Variants in MCPH1 observed in about 807,000 individuals in gnomAD.
The protein encoded by MCPH1 is microcephalin 1, also known as microcephalin.
Under a neutral mutation model 84.5 loss-of-function variants are expected in MCPH1, and 104 were observed. That is an observed-to-expected ratio of 1.23 (90% confidence interval 1.05 to 1.45). The LOEUF is 1.45. Ranked by LOEUF, MCPH1 falls within the 40% of genes most tolerant of loss-of-function variation. The probability of loss-of-function intolerance (pLI) is 0.00; values close to 1 mark genes in which losing one functional copy is unlikely to be tolerated. For synonymous variants in MCPH1, 514 were observed against 366.8 expected, an observed-to-expected ratio of 1.40 and a Z score of -4.58; for missense variants, 1,498 against 1,005.7, an observed-to-expected ratio of 1.49 and a Z score of -6.62.
intron 12 of MCPH1, among the ~76,000 whole-genome samples, chr8:6,543,556 C>A (rs1436608963): frequency 6.6e-6 from 1 of 152,196 alleles, no homozygotes; most frequent in African/African-American, 2.4e-5. Flanking sequence ...TAGGGAAAAG[C>A]GCTGTCGTAT....
chr8:6,569,668 G>A (rs1271645561), intron 12 of MCPH1, among the ~76,000 whole-genome samples: 1 of 152,218 alleles, frequency 6.6e-6, no homozygotes, highest in Non-Finnish European at 1.5e-5. Context: ...AAGTGCCTGT[G>A]TGTGTCTGTC....
chr8:6,565,448 C>CG (rs1181176544), intron 12 of MCPH1, among the ~76,000 whole-genome samples: 3 of 152,030 alleles, frequency 2.0e-5, no homozygotes, highest in Non-Finnish European at 4.4e-5. Context: ...TTTGTAGAGA[C>CG]GGGGTCTCAC....
At chr8:6,613,184 A>G (rs1180015393) in intron 12 of MCPH1, among the ~76,000 whole-genome samples, 1 of 152,134 alleles carries the variant, frequency 6.6e-6, no homozygotes. Context: ...CACTGTCCTC[A>G]GTGGGGAGCC....
chr8:6,634,306 G>A (rs974226338), intron 13 of MCPH1, among the ~76,000 whole-genome samples: 13 of 152,218 alleles, frequency 8.5e-5, no homozygotes, highest in African/African-American at 3.1e-4. Context: ...AGCATCTGCA[G>A]ATCACAAGGC....
intron 9 of MCPH1, among the ~76,000 whole-genome samples, chr8:6,464,896 G>T (rs964658562): frequency 6.6e-5 from 10 of 152,126 alleles, no homozygotes; most frequent in African/African-American, 2.4e-4. Flanking sequence ...CTACTCGGGA[G>T]ACTAAGGCAG....
chr8:6,587,198 T>C (rs1357245898), intron 12 of MCPH1, among the ~76,000 whole-genome samples: 1 of 152,096 alleles, frequency 6.6e-6, no homozygotes, highest in East Asian at 1.9e-4. Flanking sequence ...AAAATAATAA[T>C]AATTTGAAAG....
chr8:6,501,672 C>T (rs1210329809), intron 12 of MCPH1: 1 of 151,190 alleles, frequency 6.6e-6, no homozygotes, highest in African/African-American at 2.4e-5. Flanking sequence ...CTCCCTGCCT[C>T]AGCCTCCCGA....
In MCPH1 at chr8:6,628,815, C is replaced by T. The variant is rs565548309; in HGVS notation, c.2452+7124C>T. Among the ~76,000 whole-genome samples the T allele has an allele frequency of 5.9e-5, 9 of 152,376 alleles. No homozygotes were observed. The East Asian group carries it at 1.7e-3, about 29-fold the overall frequency. On this transcript the variant is annotated intron_variant, in intron 13 of 13. Coordinates refer to ENST00000344683, the MANE Select transcript of MCPH1 (RefSeq NM_024596.5). ...TGGACATAAAAGAAACTTCAAAGCT[C>T]AACCTCCTAATGGGAAGCTGCCCTT...
At chr8:6,544,711 A>G (rs1006843339) in intron 12 of MCPH1, among the ~76,000 whole-genome samples, 14 of 152,202 alleles carry the variant, frequency 9.2e-5, no homozygotes, top group Admixed American at 2.6e-4. Context: ...ATGGCACTCT[A>G]AGAAGGAATT....
intron 12 of MCPH1, among the ~76,000 whole-genome samples, chr8:6,546,136 C>G (rs1022867109): frequency 4.6e-5 from 7 of 152,208 alleles, no homozygotes; most frequent in Admixed American, 3.9e-4. Context: ...TAAATACCTA[C>G]TGTGCTATGC....
intron 12 of MCPH1, among the ~76,000 whole-genome samples, chr8:6,520,770 C>T (rs532154876): frequency 2.2e-4 from 33 of 152,280 alleles, no homozygotes; most frequent in African/African-American, 7.5e-4. Context: ...AAGAACCTGG[C>T]AAGATAAGGG....
chr8:6,627,029 T>TA (rs1796777605), intron 13 of MCPH1: 1 of 985,038 alleles, frequency 1.0e-6, no homozygotes, highest in Non-Finnish European at 1.2e-6. Flanking sequence ...TCTTATAACT[T>TA]ATAAAGAAAA....
chr8:6,528,323 T>C (rs1818770550), intron 12 of MCPH1, among the ~76,000 whole-genome samples: 2 of 152,212 alleles, frequency 1.3e-5, no homozygotes, highest in South Asian at 4.1e-4. Context: ...GAGTATAAAA[T>C]GGTCATATTT....
At chr8:6,501,050 C>T (rs1172884489) in intron 12 of MCPH1, 1 of 152,172 alleles carries the variant, frequency 6.6e-6, no homozygotes, top group Admixed American at 6.5e-5. Context: ...GATACAAGGC[C>T]ATGATACCGT....
intron 11 of MCPH1, among the ~76,000 whole-genome samples, chr8:6,491,582 G>A (rs1455105068): frequency 1.3e-5 from 2 of 151,360 alleles, no homozygotes; most frequent in South Asian, 2.1e-4. Context: ...TCATTAACTC[G>A]TCATTTAGCA....
intron 12 of MCPH1, among the ~76,000 whole-genome samples, chr8:6,619,952 G>A (rs780311858): frequency 6.6e-6 from 1 of 152,202 alleles, no homozygotes; most frequent in East Asian, 1.9e-4. Flanking sequence ...ACTCTTTCTT[G>A]ATTCCATTTC....
At chr8:6,437,436 G>A (rs948959834) in intron 5 of MCPH1, among the ~76,000 whole-genome samples, 1 of 152,016 alleles carries the variant, frequency 6.6e-6, no homozygotes, top group African/African-American at 2.4e-5. Context: ...TCACCATGTT[G>A]GCCAGGATGA....
intron 12 of MCPH1, among the ~76,000 whole-genome samples, chr8:6,522,238 A>C (rs2515447): frequency 0.064 from 9,666 of 152,010 alleles, 332 homozygotes; most frequent in African/African-American, 0.081. Context: ...GCCTGTAGTC[A>C]CAGCTACTCT....
chr8:6,588,313 A>G (rs1828156655), intron 12 of MCPH1, among the ~76,000 whole-genome samples: 1 of 151,900 alleles, frequency 6.6e-6, no homozygotes, highest in Non-Finnish European at 1.5e-5. Flanking sequence ...CACCGTTATC[A>G]GAGCAAGAAC....
Sources: gnomAD v4.1 joint callset for allele counts (sites outside exome capture counted in the v4.1 genomes callset) on GRCh38, gnomAD v4.1.1 for gene constraint, MANE v1.5 for transcripts, NCBI Gene and HGNC (gene_info 2026-07-23, HGNC 2026-07-21) for gene names.